The following COL5A1 variants were observed in gnomAD, a reference collection of about 807,000 sequenced individuals.
COL5A1 encodes collagen type V alpha 1 chain.
In COL5A1, 16 loss-of-function variants were observed where a neutral mutation model predicts 263.7. That is an observed-to-expected ratio of 0.06 (90% CI 0.04 to 0.09). The LOEUF (loss-of-function observed/expected upper bound fraction) is 0.09, where lower values mean the gene tolerates loss of function less well. COL5A1 is among the 10% of genes least tolerant of loss of function. The pLI is 1.00. For synonymous variants in COL5A1, 1,012 were observed against 1,004.5 expected (o/e 1.01, Z -0.14); for missense variants, 2,036 against 2,540.5 (o/e 0.80, Z 4.27).
Position 134,678,287 on chromosome 9 carries a change from G to A in COL5A1, c.110-12625G>A, listed in dbSNP as rs930376866. On this transcript the variant is annotated intron_variant, in intron 1 of 65. Coordinates refer to ENST00000371817, the MANE Select transcript of COL5A1 (RefSeq NM_000093.5). The surrounding 1 kb of genome is among the most constrained non-coding windows in gnomAD (Gnocchi z 5.5). Reference sequence around the variant, plus strand: ...TTCCTCATGTACCAGTGAAGGGGCCGACACTGTGGGCCAAGTTGATGAATA... The same window carrying A: ...TTCCTCATGTACCAGTGAAGGGGCCAACACTGTGGGCCAAGTTGATGAATA... Among the ~76,000 whole-genome samples, 5 of 152,212 alleles carry A rather than the reference G, an allele frequency of 3.3e-5. No homozygotes were observed. The highest frequency in any genetic ancestry group is 5.9e-5 in the Non-Finnish European group (4 of 68,030).
At chr9:134,810,907 T>C (rs754294137) in intron 44 of COL5A1, among the ~76,000 whole-genome samples, 1 of 152,188 alleles carries the variant, frequency 6.6e-6, no homozygotes, top group East Asian at 1.9e-4. Flanking sequence ...CCAAGGGCAC[T>C]GTACCCTCCT....
chr9:134,731,109 A>G (rs1220438390), intron 7 of COL5A1, among the ~76,000 whole-genome samples: 2 of 152,176 alleles, frequency 1.3e-5, no homozygotes, highest in African/African-American at 4.8e-5. Flanking sequence ...TAACATAGCC[A>G]CTGTGTGATG....
chr9:134,684,746 C>T (rs1250166260), intron 1 of COL5A1, among the ~76,000 whole-genome samples: 1 of 152,164 alleles, frequency 6.6e-6, no homozygotes, highest in Non-Finnish European at 1.5e-5. Flanking sequence ...AGAAAGTTAT[C>T]CTAGCATGGT....
At chr9:134,644,509 C>T (rs1340257774) in intron 1 of COL5A1, among the ~76,000 whole-genome samples, 1 of 60,570 alleles carries the variant, frequency 1.7e-5, no homozygotes, top group Non-Finnish European at 3.2e-5. Context: ...GAGATGCAGG[C>T]GCTGGGGGGA....
chr9:134,810,513 G>A lies in COL5A1; in HGVS notation c.3528+205G>A, dbSNP rs141843169. 214 of 583,956 alleles carry A rather than the reference G, an allele frequency of 3.7e-4. No homozygotes were observed. The East Asian group carries it at 6.0e-3, about 16-fold the overall frequency. The allele number at this position is 583,956 out of a possible 1,614,324, so 36.2% of individuals were successfully genotyped here. On this transcript the variant is annotated intron_variant, in intron 44 of 65. Coordinates refer to ENST00000371817, the MANE Select transcript of COL5A1 (RefSeq NM_000093.5). ...TCTGGGAGTGAGTCTCTCTGTGTTA[G>A]AATGAACAGGAAGCATCCACCGGTT...
chr9:134,759,511 ACACATACACACAC>A (rs1419587902), intron 18 of COL5A1, among the ~76,000 whole-genome samples: 3 of 132,604 alleles, frequency 2.3e-5, no homozygotes, highest in African/African-American at 6.2e-5. Flanking sequence ...ACATGCACAC[ACACATACACACAC>A]CACATACACC....
intron 18 of COL5A1, among the ~76,000 whole-genome samples, chr9:134,759,467 GCACACACACC>G (rs564514137): frequency 0.04 from 2,948 of 74,438 alleles, 77 homozygotes; most frequent in East Asian, 0.11. Flanking sequence ...ATACATGCAC[GCACACACACC>G]CACACACACC....
chr9:134,758,149 C>T lies in COL5A1; in HGVS notation c.1882-94C>T. The T allele has an allele frequency of 1.5e-6, 2 of 1,322,844 alleles. No homozygotes were observed. Among genetic ancestry groups the T allele is most frequent in the Non-Finnish European group, 2.2e-6 (2 of 917,752 alleles). 81.9% of individuals were successfully genotyped at this position (1,322,844 alleles called of 1,614,324 possible). On this transcript the variant is annotated intron_variant, in intron 17 of 65. Coordinates refer to ENST00000371817, the MANE Select transcript of COL5A1 (RefSeq NM_000093.5). This position sits in a 1 kb window ranked among gnomAD's most constrained non-coding sequence, Gnocchi z 4.1. ...GCATAGATGCTGTGTGAAACGTGGT[C>T]CAAGGCGGGGCGGCCATCACTTGGT...
rs1307550125 is a variant in COL5A1 at position 134,686,694 on chromosome 9, T to A, written c.110-4218T>A. On this transcript the variant is annotated intron_variant, in intron 1 of 65. Coordinates refer to ENST00000371817, the MANE Select transcript of COL5A1 (RefSeq NM_000093.5). This position sits in a 1 kb window ranked among gnomAD's most constrained non-coding sequence, Gnocchi z 4.6. ...GATGCCAGTGACAAATACTTCTACT[T>A]GTAACAGTGCAGGGGATGCAGGGGC... Among the ~76,000 whole-genome samples the A allele has an allele frequency of 6.6e-6, 1 of 152,140 alleles. No individual in the cohort carries two copies. Among genetic ancestry groups the A allele is most frequent in the African/African-American group, 2.4e-5 (1 of 41,432 alleles).
At chr9:134,824,505 C>G in intron 61 of COL5A1, 95 bp from the exon 62 acceptor site, 2 of 1,526,406 alleles carry the variant, frequency 1.3e-6, no homozygotes, top group Non-Finnish European at 8.9e-7. Flanking sequence ...CCAGGGAACC[C>G]CTGCAGATGT....
chr9:134,810,211 C>T (rs767334332), intron 43 of COL5A1, 44 bp from the exon 44 acceptor site: 51 of 1,605,338 alleles, frequency 3.2e-5, no homozygotes, highest in East Asian at 4.5e-5. Flanking sequence ...AAGGTCCAAA[C>T]GGTTGTCAAG....
At chr9:134,788,618 GAGATAGATGGATAGAC>G (rs1478592829) in intron 31 of COL5A1, among the ~76,000 whole-genome samples, 1,795 of 149,024 alleles carry the variant, frequency 0.012, 27 homozygotes, top group African/African-American at 0.033. Flanking sequence ...GATGGATAGA[GAGATAGATGGATAGAC>G]AGATAGATGG....
chr9:134,836,053 G>GT (rs1839844296), intron 65 of COL5A1, among the ~76,000 whole-genome samples: 1 of 152,216 alleles, frequency 6.6e-6, no homozygotes, highest in South Asian at 2.1e-4. Context: ...ATTGGAGCCT[G>GT]TTCTCTCCAC....
chr9:134,760,220 CA>C (rs1836287335), intron 18 of COL5A1, among the ~76,000 whole-genome samples: 1 of 125,346 alleles, frequency 8.0e-6, no homozygotes, highest in Non-Finnish European at 1.6e-5. Flanking sequence ...CACATGCACA[CA>C]CCACATGCAC....
At chr9:134,685,034 TCATC>T (rs1380363796) in intron 1 of COL5A1, among the ~76,000 whole-genome samples, 3 of 64,970 alleles carry the variant, frequency 4.6e-5, no homozygotes, top group African/African-American at 1.1e-4. Flanking sequence ...ATCCATCCAT[TCATC>T]CATCCACCAT....
intron 65 of COL5A1, among the ~76,000 whole-genome samples, chr9:134,840,622 C>T (rs544692396): frequency 1.3e-3 from 191 of 152,260 alleles, no homozygotes; most frequent in African/African-American, 4.3e-3. Context: ...TAGGTCCATT[C>T]GCTGCCACGA....
intron 1 of COL5A1, among the ~76,000 whole-genome samples, chr9:134,665,627 G>T (rs1832334246): frequency 6.6e-6 from 1 of 152,192 alleles, no homozygotes; most frequent in South Asian, 2.1e-4. Flanking sequence ...TGAATGCGTT[G>T]TTGTTCAGCA....
rs566134711 is a variant in COL5A1 at position 134,800,959 on chromosome 9, G to A, written c.2953-995G>A. On this transcript the variant is annotated intron_variant, in intron 37 of 65. Transcript: ENST00000371817. ...TTGCCTCGAGGCCTCCGGGTAGAAG[G>A]TGTGCATGTCTCCACCAGTGTCATG... Among the ~76,000 whole-genome samples, 5 of 152,286 alleles carry A rather than the reference G, an allele frequency of 3.3e-5. No individual in the cohort carries two copies. In the East Asian group the frequency reaches 9.7e-4, roughly 30 times the overall value.
chr9:134,675,559 C>T (rs1268218079), intron 1 of COL5A1, among the ~76,000 whole-genome samples: 1 of 152,192 alleles, frequency 6.6e-6, no homozygotes, highest in Admixed American at 6.5e-5. Flanking sequence ...TGCTGCGGAA[C>T]AATCACTTCA....
Sources: allele counts gnomAD v4.1 joint callset (sites outside exome capture counted in the v4.1 genomes callset), GRCh38; gene constraint gnomAD v4.1.1; non-coding constraint Gnocchi (gnomAD v3.1); transcripts MANE v1.5; gene names NCBI Gene and HGNC (gene_info 2026-07-23, HGNC 2026-07-21).